EPN1: variants seen among roughly 807,000 people sequenced by gnomAD.
EPN1 encodes epsin-1.
EPN1 carries 25 observed loss-of-function variants against 56.9 expected under a neutral mutation model. That is an observed-to-expected ratio of 0.44 (90% CI 0.32 to 0.61). EPN1 has a LOEUF of 0.61. Ranked by LOEUF, EPN1 falls within the 20% of genes least tolerant of loss-of-function variation. EPN1 has a pLI of 0.05. For synonymous variants in EPN1, 411 were observed against 361.8 expected (o/e 1.14, Z -1.54); for missense variants, 785 against 823.7 (o/e 0.95, Z 0.58).
intron 2 of EPN1, among the ~76,000 whole-genome samples, chr19:55,679,896 G>A (rs990687022): frequency 3.3e-5 from 5 of 152,226 alleles, no homozygotes; most frequent in Non-Finnish European, 5.9e-5. Flanking sequence ...AGGTGCAGGT[G>A]AGCCTCTCTG....
intron 7 of EPN1, 121 bp from the exon 8 acceptor site, chr19:55,692,565 G>A (rs1269936106): frequency 5.0e-6 from 3 of 603,846 alleles, no homozygotes; most frequent in Non-Finnish European, 2.8e-6. Flanking sequence ...CGGGTGGGGT[G>A]GGTTTCTGGG....
Position 55,697,008 on chromosome 19 carries a change from G to A in EPN1, c.*1652G>A, listed in dbSNP as rs2122228434. ...TGGGTCCCAGGGACACAGGAACTTT[G>A]GGGTCAGCCGGTTCCAGATTCAGTT... On this transcript the variant is annotated 3_prime_UTR_variant, in exon 11 of 11. Coordinates refer to ENST00000270460, the MANE Select transcript of EPN1 (RefSeq NM_001130072.2). 6.6e-6 allele frequency: 1 copy of A among 152,274 alleles called. No homozygotes were observed. Among genetic ancestry groups the A allele is most frequent in the South Asian group, 2.1e-4 (1 of 4,826 alleles). The allele number at this position is 152,274 out of a possible 1,614,324, so 9.4% of individuals were successfully genotyped here.
chr19:55,687,987 G>A (rs1986278847), intron 3 of EPN1, among the ~76,000 whole-genome samples: 1 of 152,220 alleles, frequency 6.6e-6, no homozygotes, highest in Admixed American at 6.5e-5. Flanking sequence ...GGGGACACAA[G>A]TACAGGACAC....
Position 55,678,767 on chromosome 19 carries a change from C to G in EPN1, c.140C>G (p.Thr47Ser). 6.2e-7 allele frequency: 1 copy of G among 1,614,186 alleles called. No individual in the cohort carries two copies. The highest frequency in any genetic ancestry group is 1.1e-5 in the South Asian group (1 of 91,076). The change falls in exon 2 of 11, where the codon ACC becomes AGC. Residue 47 changes from threonine (T) to serine (S), a missense_variant. Coordinates refer to ENST00000270460, the MANE Select transcript of EPN1 (RefSeq NM_001130072.2). ...SSLMSEIADLTYNVVAFSEIM... is the reference protein window; with the variant it reads ...SSLMSEIADLSYNVVAFSEIM... The stretch of plus-strand genomic sequence containing the variant: ...CTCATGTCAGAGATTGCCGACCTCA[C>G]CTACAACGTTGTCGCCTTCTCGGAG...
chr19:55,690,363 T>G (rs1188026998), intron 6 of EPN1, among the ~76,000 whole-genome samples: 1 of 152,230 alleles, frequency 6.6e-6, no homozygotes, highest in African/African-American at 2.4e-5. Flanking sequence ...CAGGGCCTGT[T>G]GGTGAGCGAG....
At chr19:55,675,864 G>A (rs550879699) in intron 1 of EPN1, among the ~76,000 whole-genome samples, 1 of 151,972 alleles carries the variant, frequency 6.6e-6, no homozygotes, top group African/African-American at 2.4e-5. Flanking sequence ...TCTTACCCCC[G>A]CCCCGTCTTC....
In EPN1 at chr19:55,702,332, T is replaced by C. The variant is rs577396239; in HGVS notation, c.*6976T>C. ...CTCTGCGCTGCTGCTTATCTGTGTG[T>C]GCTAAAAGGGGAGGGAGTGTTTCTG... On this transcript the variant is annotated 3_prime_UTR_variant, in exon 11 of 11. Transcript: ENST00000270460. The C allele has an allele frequency of 6.6e-6, 1 of 152,348 alleles. No individual in the cohort carries two copies. Among genetic ancestry groups the C allele is most frequent in the Admixed American group, 6.5e-5 (1 of 15,296 alleles). 9.4% of individuals were successfully genotyped at this position (152,348 alleles called of 1,614,324 possible). A position where few individuals can be genotyped will look rare whatever the true frequency, so the allele number is the denominator to read the frequency against.
rs1159755371 is a variant in EPN1 at position 55,691,330 on chromosome 19, TG to T, written c.763-422del. Among the ~76,000 whole-genome samples the T allele has an allele frequency of 1.3e-5, 2 of 152,018 alleles. No individual in the cohort carries two copies. The highest frequency in any genetic ancestry group is 2.9e-5 in the Non-Finnish European group (2 of 67,978). Reference sequence around the variant, plus strand: ...CCAGGGGAAGGCATGGAGCAGGGGCTGGCCAGTCTGGCTGGAGAAGGCACGG... The same window carrying T: ...CCAGGGGAAGGCATGGAGCAGGGGCTGCCAGTCTGGCTGGAGAAGGCACGG... On this transcript the variant is annotated intron_variant, in intron 6 of 10. Transcript: ENST00000270460. This position sits in a 1 kb window ranked among gnomAD's most constrained non-coding sequence, Gnocchi z 5.6.
At chr19:55,677,100 C>T in intron 1 of EPN1, 1 of 1,543,152 alleles carries the variant, frequency 6.5e-7, no homozygotes. Context: ...CTCCGTCATC[C>T]CTATCTCCCC....
rs1375933611 is a variant in EPN1, at chr19:55,698,472, GGGTCACCCC to G, written c.*3118_*3126del. On this transcript the variant is annotated 3_prime_UTR_variant, in exon 11 of 11. Coordinates refer to ENST00000270460, the MANE Select transcript of EPN1 (RefSeq NM_001130072.2). ...CCGTAGGAGCTTCATCCGAGCTCCT[GGGTCACCCC>G]GCCCACCAGAGTCCAGGCCCACCAG... The G allele has an allele frequency of 6.6e-6, 1 of 152,342 alleles. No homozygotes were observed. Among genetic ancestry groups the G allele is most frequent in the Non-Finnish European group, 1.5e-5 (1 of 68,216 alleles). The allele number at this position is 152,342 out of a possible 1,614,324, so 9.4% of individuals were successfully genotyped here.
In EPN1 at chr19:55,705,252, A is replaced by G. The variant is rs1232132673; in HGVS notation, c.*9896A>G. 6.6e-6 allele frequency: 1 copy of G among 152,212 alleles called. No homozygotes were observed. Among genetic ancestry groups the G allele is most frequent in the African/African-American group, 2.4e-5 (1 of 41,454 alleles). 9.4% of individuals were successfully genotyped at this position (152,212 alleles called of 1,614,324 possible). ...GCTGACTGCAGGGAGATGGGGAGAT[A>G]TGTTTTGTAAACCTGTCCAGGCAAC... is the stretch of plus-strand genomic sequence containing the variant. On this transcript the variant is annotated 3_prime_UTR_variant, in exon 11 of 11. Transcript: ENST00000270460.
chr19:55,677,656 ATC>A (rs1221580841), intron 1 of EPN1: 2 of 1,551,560 alleles, frequency 1.3e-6, no homozygotes, highest in Admixed American at 3.9e-5. Flanking sequence ...TAGGTTCCTT[ATC>A]TCTCCTGAGC....
At chr19:55,684,886 T>C (rs1288459378) in intron 2 of EPN1, among the ~76,000 whole-genome samples, 1 of 152,210 alleles carries the variant, frequency 6.6e-6, no homozygotes, top group Non-Finnish European at 1.5e-5. Context: ...TTTCCTCTTT[T>C]ATTTGGATTG....
chr19:55,678,903 G>T (rs541172503), intron 2 of EPN1, 48 bp downstream of exon 2: 1 of 1,370,170 alleles, frequency 7.3e-7, no homozygotes, highest in Non-Finnish European at 1.0e-6. Context: ...GCTCAGGTGG[G>T]AGGACAGGAG....
rs998219392 is a variant in EPN1 at position 55,702,224 on chromosome 19, G to C, written c.*6868G>C. Reference sequence around the variant, plus strand: ...GATCCGCCTGCCTCGGCCTCCCAAAGTAGTGGGATTGCAGGCGTGAGCCAC... The same window carrying C: ...GATCCGCCTGCCTCGGCCTCCCAAACTAGTGGGATTGCAGGCGTGAGCCAC... On this transcript the variant is annotated 3_prime_UTR_variant, in exon 11 of 11. Coordinates refer to ENST00000270460, the MANE Select transcript of EPN1 (RefSeq NM_001130072.2). The C allele has an allele frequency of 6.6e-6, 1 of 152,372 alleles. No homozygotes were observed. Among genetic ancestry groups the C allele is most frequent in the African/African-American group, 2.4e-5 (1 of 41,412 alleles). 9.4% of individuals were successfully genotyped at this position (152,372 alleles called of 1,614,324 possible).
chr19:55,694,704 C>T lies in EPN1; in HGVS notation c.1265-22C>T. 6.5e-7 allele frequency: 1 copy of T among 1,539,444 alleles called. No homozygotes were observed. Among genetic ancestry groups the T allele is most frequent in the Non-Finnish European group, 8.8e-7 (1 of 1,142,752 alleles). On this transcript the variant is annotated intron_variant, in intron 9 of 10. Transcript: ENST00000270460. This position sits in a 1 kb window ranked among gnomAD's most constrained non-coding sequence, Gnocchi z 4.2. ...CTCACTGCTGTCTGCCCTGTCTGAG[C>T]CCCTCTCCCGGATCCTTCCAGGAGA...
At position 55,707,270 on chromosome 19, in the gene EPN1, A is replaced by C. The variant is rs1376341709; in HGVS notation, c.*11914A>C. On this transcript the variant is annotated 3_prime_UTR_variant, in exon 11 of 11. Coordinates refer to ENST00000270460, the MANE Select transcript of EPN1 (RefSeq NM_001130072.2). ...GGCAGGAGCATCACTTGAACCCAGG[A>C]GTTCAAGGCTGCAGTGAGCTATGAT... 3 of 152,100 alleles carry C rather than the reference A, an allele frequency of 2.0e-5. No homozygotes were observed. In the East Asian group the frequency reaches 5.8e-4, roughly 29 times the overall value. The allele number at this position is 152,100 out of a possible 1,614,324, so 9.4% of individuals were successfully genotyped here.
rs980802525 is a variant in EPN1, at chr19:55,704,625, C to G, written c.*9269C>G. The G allele has an allele frequency of 7.9e-5, 12 of 152,206 alleles. No individual in the cohort carries two copies. The highest frequency in any genetic ancestry group is 2.7e-4 in the African/African-American group (11 of 41,426). 9.4% of individuals were successfully genotyped at this position (152,206 alleles called of 1,614,324 possible). On this transcript the variant is annotated 3_prime_UTR_variant, in exon 11 of 11. Coordinates refer to ENST00000270460, the MANE Select transcript of EPN1 (RefSeq NM_001130072.2). Reference sequence around the variant, plus strand: ...TATGACAGCCCTAACATGAATGCAGCCATCCACACTGTCTGGGGGAAGGCA... The same window carrying G: ...TATGACAGCCCTAACATGAATGCAGGCATCCACACTGTCTGGGGGAAGGCA...
At chr19:55,685,278 C>A in intron 2 of EPN1, 118 bp from the exon 3 acceptor site, 1 of 1,291,148 alleles carries the variant, frequency 7.7e-7, no homozygotes, top group Non-Finnish European at 1.1e-6. Flanking sequence ...CACCCACTGG[C>A]GACAGGTGGG....
Sources: allele counts gnomAD v4.1 joint callset (sites outside exome capture counted in the v4.1 genomes callset), GRCh38; gene constraint gnomAD v4.1.1; non-coding constraint Gnocchi (gnomAD v3.1); transcripts MANE v1.5; gene names NCBI Gene and HGNC (gene_info 2026-07-23, HGNC 2026-07-21).